Variants in OLA1 observed in about 807,000 individuals in gnomAD.
The protein encoded by OLA1 is obg-like ATPase 1.
A neutral mutation model predicts 48.4 loss-of-function variants in OLA1; 14 were observed. The ratio of observed to expected loss-of-function variants is 0.29; its 90% CI spans 0.19 to 0.45. The LOEUF (loss-of-function observed/expected upper bound fraction) is 0.45. OLA1 is among the 20% of genes least tolerant of loss of function. The pLI is 1.00. For missense variants in OLA1, 325 were observed against 467.1 expected, an observed-to-expected ratio of 0.70 and a Z score of 2.80; for synonymous variants, 127 against 150.4, an observed-to-expected ratio of 0.84 and a Z score of 1.14.
At chr2:174,077,614 AC>A (rs1329948395) in intron 10 of OLA1, among the ~76,000 whole-genome samples, 2 of 152,180 alleles carry the variant, frequency 1.3e-5, no homozygotes, top group African/African-American at 4.8e-5. Flanking sequence ...AAATAGTCTT[AC>A]AAGCAGGAAA....
intron 7 of OLA1, among the ~76,000 whole-genome samples, chr2:174,091,899 A>AAAAAAAAAAAAAAAAAAAAAAAT (rs1685123124): frequency 7.9e-6 from 1 of 127,018 alleles, no homozygotes; most frequent in African/African-American, 3.0e-5. Context: ...AAAAAAAAAA[A>AAAAAAAAAAAAAAAAAAAAAAAT]AAAAAAAAGC....
In OLA1 at chr2:174,150,353, C is replaced by T. The variant is rs188002380; in HGVS notation, c.374-8353G>A. On this transcript the variant is annotated intron_variant, in intron 4 of 10. Coordinates refer to ENST00000284719, the MANE Select transcript of OLA1 (RefSeq NM_013341.5). ...CAGAAAGTCCCCACTAGCAAGAAGA[C>T]CCTCACCAGCTGCAGCCCGCTGAGC... is the stretch of plus-strand genomic sequence containing the variant. Among the ~76,000 whole-genome samples the T allele has an allele frequency of 2.2e-3, 340 of 152,326 alleles. 2 individuals carry two copies. Among genetic ancestry groups the T allele is most frequent in the Non-Finnish European group, 1.2e-3 (82 of 68,042 alleles).
At chr2:174,093,938 C>T (rs1685185479) in intron 7 of OLA1, among the ~76,000 whole-genome samples, 1 of 152,350 alleles carries the variant, frequency 6.6e-6, no homozygotes, top group African/African-American at 2.4e-5. Context: ...CTTGATTTAA[C>T]TACCACTACA....
intron 4 of OLA1, among the ~76,000 whole-genome samples, chr2:174,170,188 G>A (rs957758553): frequency 2.6e-5 from 4 of 152,046 alleles, no homozygotes; most frequent in African/African-American, 7.2e-5. Context: ...AGCCGAGATC[G>A]CGCCACTGCA....
chr2:174,222,126 C>T (rs1688519521), intron 4 of OLA1, among the ~76,000 whole-genome samples: 1 of 152,084 alleles, frequency 6.6e-6, no homozygotes, highest in Non-Finnish European at 1.5e-5. Context: ...ACTTTTGCAC[C>T]AACCTGATTC....
At chr2:174,236,322 G>A (rs1331908473) in intron 2 of OLA1, among the ~76,000 whole-genome samples, 3 of 151,756 alleles carry the variant, frequency 2.0e-5, no homozygotes, top group Non-Finnish European at 2.9e-5. Flanking sequence ...AGACAGTGAG[G>A]AAGAAAATGA....
chr2:174,082,904 T>C (rs922519658), intron 7 of OLA1, among the ~76,000 whole-genome samples: 6 of 152,148 alleles, frequency 3.9e-5, no homozygotes, highest in African/African-American at 1.4e-4. Context: ...AACACTTTCC[T>C]AGCTTTTTAT....
chr2:174,172,223 TG>T, intron 4 of OLA1: 1 of 215,212 alleles, frequency 4.6e-6, no homozygotes, highest in South Asian at 8.9e-5. Flanking sequence ...CTGCAGGCCG[TG>T]GTGGAGTTCC....
intron 2 of OLA1, among the ~76,000 whole-genome samples, chr2:174,232,286 A>G (rs1478697017): frequency 6.6e-6 from 1 of 152,218 alleles, no homozygotes; most frequent in Non-Finnish European, 1.5e-5. Context: ...GCAAATTCCC[A>G]CAGCATTCTG....
chr2:174,107,264 C>T (rs1007923570), intron 7 of OLA1, among the ~76,000 whole-genome samples: 4 of 152,050 alleles, frequency 2.6e-5, no homozygotes, highest in African/African-American at 9.7e-5. Flanking sequence ...TACTTGGGTA[C>T]TTTATAATTA....
At chr2:174,194,276 G>A (rs1687836319) in intron 4 of OLA1, among the ~76,000 whole-genome samples, 2 of 152,190 alleles carry the variant, frequency 1.3e-5, no homozygotes, top group Admixed American at 6.5e-5. Context: ...GAGGGTACCA[G>A]GTTCCCCAAT....
At chr2:174,112,662 A>G (rs1351979013) in intron 7 of OLA1, among the ~76,000 whole-genome samples, 1 of 151,844 alleles carries the variant, frequency 6.6e-6, no homozygotes, top group Non-Finnish European at 1.5e-5. Context: ...TCAGGAGTGG[A>G]CTCCTGATAC....
At chr2:174,154,041 G>T (rs1202289034) in intron 4 of OLA1, among the ~76,000 whole-genome samples, 1 of 151,820 alleles carries the variant, frequency 6.6e-6, no homozygotes, top group Middle Eastern at 3.2e-3. Flanking sequence ...TAATTTTTTT[G>T]TTTGTTTTCA....
At chr2:174,123,834 C>T (rs1314248341) in intron 5 of OLA1, among the ~76,000 whole-genome samples, 159 bp from the exon 6 acceptor site, 1 of 151,964 alleles carries the variant, frequency 6.6e-6, no homozygotes. Flanking sequence ...ATTTAAAAAC[C>T]AATTACTAAT....
chr2:174,119,599 T>C (rs915409369), intron 7 of OLA1, among the ~76,000 whole-genome samples: 1 of 151,984 alleles, frequency 6.6e-6, no homozygotes, highest in African/African-American at 2.4e-5. Context: ...ATTTATTCCA[T>C]GATTCCCCCC....
intron 7 of OLA1, among the ~76,000 whole-genome samples, chr2:174,106,026 T>C (rs535927810): frequency 6.7e-6 from 1 of 149,234 alleles, no homozygotes; most frequent in African/African-American, 2.5e-5. Flanking sequence ...TTGTTGAAAA[T>C]TATCTTTATC....
intron 7 of OLA1, among the ~76,000 whole-genome samples, chr2:174,088,572 C>T (rs375036748): frequency 1.3e-5 from 2 of 152,178 alleles, no homozygotes; most frequent in Non-Finnish European, 2.9e-5. Context: ...TTCAACACAT[C>T]TTTACTTTTA....
chr2:174,118,566 A>C (rs1685836111), intron 7 of OLA1, among the ~76,000 whole-genome samples: 1 of 152,236 alleles, frequency 6.6e-6, no homozygotes, highest in Non-Finnish European at 1.5e-5. Context: ...AGGAACACTT[A>C]ATTTTTTAAA....
intron 4 of OLA1, among the ~76,000 whole-genome samples, chr2:174,212,623 A>C (rs1688268992): frequency 6.6e-6 from 1 of 152,198 alleles, no homozygotes; most frequent in South Asian, 2.1e-4. Flanking sequence ...TTAAATCACA[A>C]ACACATTGTA....
Sources: gnomAD v4.1 joint callset for allele counts (sites outside exome capture counted in the v4.1 genomes callset) on GRCh38, gnomAD v4.1.1 for gene constraint, MANE v1.5 for transcripts, NCBI Gene and HGNC (gene_info 2026-07-23, HGNC 2026-07-21) for gene names.